HHAT: variants seen among roughly 807,000 people sequenced by gnomAD.
The protein encoded by HHAT is hedgehog acyltransferase, also known as protein-cysteine N-palmitoyltransferase HHAT.
A neutral mutation model predicts 70.8 loss-of-function variants in HHAT; 47 were observed. The observed-to-expected ratio is 0.66, with a 90% CI of 0.53 to 0.85. HHAT has a LOEUF of 0.85. Among genes scored for constraint, HHAT ranks in the 40% least tolerant of loss-of-function variants. HHAT has a pLI of 0.00. For synonymous variants in HHAT, 228 were observed against 247.6 expected (o/e 0.92, Z 0.74); for missense variants, 609 against 604.8 (o/e 1.01, Z -0.07).
chr1:210,560,649 CAA>C (rs563941240), intron 9 of HHAT, among the ~76,000 whole-genome samples: 13 of 124,808 alleles, frequency 1.0e-4, no homozygotes, highest in Admixed American at 1.6e-4. Flanking sequence ...CCATCTCTAC[CAA>C]AAAAAAAAAA....
intron 8 of HHAT, among the ~76,000 whole-genome samples, chr1:210,485,421 G>C (rs2094459605): frequency 6.6e-6 from 1 of 152,020 alleles, no homozygotes; most frequent in Non-Finnish European, 1.5e-5. Flanking sequence ...TTAAGAACAG[G>C]ACCCATTTCA....
intron 9 of HHAT, among the ~76,000 whole-genome samples, chr1:210,523,616 G>A (rs112124936): frequency 1.4e-5 from 2 of 144,688 alleles, no homozygotes; most frequent in African/African-American, 5.0e-5. Flanking sequence ...GTGTGTGTGC[G>A]CGCGCACACG....
intron 10 of HHAT, among the ~76,000 whole-genome samples, chr1:210,602,433 G>T (rs1461144321): frequency 6.6e-6 from 1 of 152,122 alleles, no homozygotes; most frequent in Non-Finnish European, 1.5e-5. Flanking sequence ...ATTTGGCTAG[G>T]GTCAGGAGGG....
At chr1:210,595,194 C>A (rs998319097) in intron 10 of HHAT, among the ~76,000 whole-genome samples, 53 of 152,218 alleles carry the variant, frequency 3.5e-4, no homozygotes, top group African/African-American at 1.2e-3. Flanking sequence ...CAATTCCCAC[C>A]TATGAGTGAG....
At chr1:210,449,810 T>G (rs934324131) in intron 7 of HHAT, among the ~76,000 whole-genome samples, 2 of 152,168 alleles carry the variant, frequency 1.3e-5, no homozygotes, top group African/African-American at 4.8e-5. Flanking sequence ...TCACATCAGT[T>G]CATCAAAGTT....
At chr1:210,398,266 G>C (rs549229560) in intron 4 of HHAT, among the ~76,000 whole-genome samples, 1 of 152,282 alleles carries the variant, frequency 6.6e-6, no homozygotes, top group Admixed American at 6.5e-5. Context: ...TTCATTGCCT[G>C]TGCATCATGA....
chr1:210,518,742 G>T (rs2095103168), intron 9 of HHAT, among the ~76,000 whole-genome samples: 1 of 152,142 alleles, frequency 6.6e-6, no homozygotes, highest in Non-Finnish European at 1.5e-5. Flanking sequence ...GCAGTGAGCT[G>T]AGATCATACT....
At chr1:210,343,744 C>T (rs1328065632) in intron 1 of HHAT, among the ~76,000 whole-genome samples, 9 of 152,074 alleles carry the variant, frequency 5.9e-5, no homozygotes, top group Non-Finnish European at 1.3e-4. Flanking sequence ...AGGAATGAGA[C>T]ATTAACGAAA....
chr1:210,572,161 A>G (rs1191067295), intron 9 of HHAT, among the ~76,000 whole-genome samples: 3 of 152,178 alleles, frequency 2.0e-5, no homozygotes, highest in African/African-American at 7.2e-5. Context: ...TCCAGTGCCA[A>G]ACTTTAAAAG....
intron 9 of HHAT, among the ~76,000 whole-genome samples, chr1:210,534,875 G>T (rs2095354200): frequency 6.6e-6 from 1 of 152,178 alleles, no homozygotes; most frequent in Non-Finnish European, 1.5e-5. Context: ...TTAGTGCTAA[G>T]ATACCTATAG....
intron 9 of HHAT, among the ~76,000 whole-genome samples, chr1:210,522,172 A>AGT (rs2095168565): frequency 6.6e-6 from 1 of 152,182 alleles, no homozygotes; most frequent in South Asian, 2.1e-4. Context: ...GTGAGTCTAA[A>AGT]GTGTGTGTCT....
intron 6 of HHAT, among the ~76,000 whole-genome samples, chr1:210,411,589 C>T (rs2092556128): frequency 7.2e-6 from 1 of 138,770 alleles, no homozygotes; most frequent in Non-Finnish European, 1.6e-5. Context: ...CTCAGCTCTA[C>T]AAAAAATAAA....
intron 7 of HHAT, among the ~76,000 whole-genome samples, chr1:210,424,436 C>CT (rs35138149): frequency 0.17 from 24,611 of 142,206 alleles, 2,435 homozygotes; most frequent in East Asian, 0.42. Flanking sequence ...GGTTTTTTTT[C>CT]TTTTTTTTTA....
At chr1:210,648,419 A>G (rs1674501138) in intron 11 of HHAT, among the ~76,000 whole-genome samples, 1 of 152,154 alleles carries the variant, frequency 6.6e-6, no homozygotes, top group Non-Finnish European at 1.5e-5. Flanking sequence ...CCATGCATTT[A>G]TTGTTGAGGT....
In HHAT at chr1:210,464,493, T is replaced by C. The variant is rs1407482201; in HGVS notation, c.857-12T>C. ...CTCTTCCATGTGTCTGACTGGTCTG[T>C]TTGCCTTTCAGGAGGACTGGCGTTA... On this transcript the variant is annotated splice_polypyrimidine_tract_variant and intron_variant, in intron 7 of 11. Transcript: ENST00000261458. 1.2e-6 allele frequency: 2 copies of C among 1,614,156 alleles called. No homozygotes were observed. The highest frequency in any genetic ancestry group is 1.7e-6 in the Non-Finnish European group (2 of 1,179,972).
intron 1 of HHAT, among the ~76,000 whole-genome samples, chr1:210,333,642 G>C (rs1216795799): frequency 5.3e-5 from 8 of 151,758 alleles, no homozygotes; most frequent in Non-Finnish European, 1.2e-4. Flanking sequence ...ATTCGTCAGA[G>C]CTGCTTTTAC....
At chr1:210,607,234 C>T (rs1021525958) in intron 10 of HHAT, among the ~76,000 whole-genome samples, 4 of 151,954 alleles carry the variant, frequency 2.6e-5, no homozygotes, top group Admixed American at 6.6e-5. Context: ...CTCAAATCTG[C>T]TAATTCTTTA....
rs565068682 is a variant in HHAT at position 210,485,065 on chromosome 1, C to T, written c.1007+20410C>T. 7.7e-4 allele frequency among the ~76,000 whole-genome samples: 117 copies of T among 152,196 alleles called. 1 individual carries two copies. Among genetic ancestry groups the T allele is most frequent in the African/African-American group, 2.8e-3 (115 of 41,534 alleles). ...GCTCCTCACTGAGCCCAAACTTGAA[C>T]CTCAGTGTCTTGCCTCGTGTTGAGC... On this transcript the variant is annotated intron_variant, in intron 8 of 11. Transcript: ENST00000261458.
At chr1:210,592,420 T>C (rs1166445204) in intron 10 of HHAT, among the ~76,000 whole-genome samples, 1 of 152,092 alleles carries the variant, frequency 6.6e-6, no homozygotes, top group Admixed American at 6.6e-5. Context: ...TACTGTACTA[T>C]TTTGGTTACT....
Sources: allele counts gnomAD v4.1 joint callset (sites outside exome capture counted in the v4.1 genomes callset), GRCh38; gene constraint gnomAD v4.1.1; transcripts MANE v1.5; gene names NCBI Gene and HGNC (gene_info 2026-07-23, HGNC 2026-07-21).